Variants in SYCE1 observed in about 807,000 individuals in gnomAD.
The protein encoded by SYCE1 is synaptonemal complex central element protein 1.
Under a neutral mutation model 55.1 loss-of-function variants are expected in SYCE1, and 37 were observed. That is an observed-to-expected ratio of 0.67 (90% CI 0.52 to 0.88). The LOEUF (loss-of-function observed/expected upper bound fraction) is 0.88. SYCE1 is among the 40% of genes least tolerant of loss of function. The probability of loss-of-function intolerance (pLI) is 0.00; values close to 1 mark genes in which losing one functional copy is unlikely to be tolerated. For synonymous variants in SYCE1, 163 were observed against 159.4 expected, an observed-to-expected ratio of 1.02 and a Z score of -0.17; for missense variants, 399 against 416.4, an observed-to-expected ratio of 0.96 and a Z score of 0.36.
intron 6 of SYCE1, 60 bp downstream of exon 6, chr10:133,557,804 C>T: frequency 6.3e-7 from 1 of 1,581,300 alleles, no homozygotes. Flanking sequence ...CTTCCTGCCT[C>T]TTTCTGCTCT....
chr10:133,559,845 C>G, intron 2 of SYCE1: 1 of 519,012 alleles, frequency 1.9e-6, no homozygotes, highest in Non-Finnish European at 3.5e-6. Context: ...TGCAGTGGAG[C>G]CAGATGGGTG....
intron 6 of SYCE1, chr10:133,557,460 G>A: frequency 2.0e-6 from 1 of 499,016 alleles, no homozygotes; most frequent in East Asian, 3.6e-5. Flanking sequence ...TAACAAATGA[G>A]CTAAATCAGG....
chr10:133,556,943 G>C, intron 7 of SYCE1, 121 bp from the exon 8 acceptor site: 1 of 1,482,616 alleles, frequency 6.7e-7, no homozygotes, highest in Non-Finnish European at 9.4e-7. Context: ...CTGCTCCACT[G>C]GGAACATCTT....
chr10:133,559,792 GA>G, intron 2 of SYCE1: 1 of 450,934 alleles, frequency 2.2e-6, no homozygotes, highest in Non-Finnish European at 4.0e-6. Context: ...GGGTGAGGGG[GA>G]AGGAAGGGAA....
intron 5 of SYCE1, 93 bp downstream of exon 5, chr10:133,558,074 G>A: frequency 6.4e-7 from 1 of 1,566,874 alleles, no homozygotes. Flanking sequence ...GGCAAGCTGG[G>A]ACAGGTTTCA....
upstream of SYCE1, among the ~76,000 whole-genome samples, chr10:133,567,123 T>C (rs1589974896): frequency 6.6e-6 from 1 of 150,912 alleles, no homozygotes; most frequent in African/African-American, 2.4e-5. Flanking sequence ...GGGTTGAGGT[T>C]ATGAGTTGAG....
chr10:133,565,597 C>G, upstream of SYCE1: 1 of 1,494,822 alleles, frequency 6.7e-7, no homozygotes, highest in South Asian at 1.2e-5. Flanking sequence ...GCAACCGCCG[C>G]TGGGGGCAGG....
chr10:133,564,800 A>C (rs1851887407), intron 1 of SYCE1, among the ~76,000 whole-genome samples: 1 of 152,118 alleles, frequency 6.6e-6, no homozygotes, highest in South Asian at 2.1e-4. Flanking sequence ...GAAAATCCTC[A>C]CAGAACACCC....
In SYCE1 at chr10:133,555,575, G is replaced by A. The variant is rs1472237296; in HGVS notation, c.830+22C>T. On this transcript the variant is annotated intron_variant, in intron 11 of 12. Transcript: ENST00000343131. The stretch of plus-strand genomic sequence containing the variant: ...AGTCATCTTCCTGGTGGGGGTTGCG[G>A]GGACAGGGCCTCCACACGCACCTCT... The A allele has an allele frequency of 3.7e-6, 6 of 1,602,194 alleles. No homozygotes were observed. In the Admixed American group the frequency reaches 8.5e-5, roughly 23 times the overall value.
At chr10:133,566,002 G>C (rs1340504087), upstream of SYCE1, among the ~76,000 whole-genome samples, 1 of 152,234 alleles carries the variant, frequency 6.6e-6, no homozygotes, top group Non-Finnish European at 1.5e-5. Flanking sequence ...GGGCCCCAGC[G>C]AGTGAAATCT....
chr10:133,568,088 C>G (rs3020501), upstream of SYCE1: 487,701 of 699,100 alleles, frequency 0.7, 177,456 homozygotes, highest in Non-Finnish European at 0.78. Context: ...CGAGCCCAGC[C>G]AGGCCTAGGG....
At chr10:133,563,725 A>C (rs1007037586) in intron 1 of SYCE1, among the ~76,000 whole-genome samples, 6 of 151,740 alleles carry the variant, frequency 4.0e-5, no homozygotes, top group Non-Finnish European at 8.8e-5. Context: ...AATTTTGTGA[A>C]ATGCTTATTT....
At chr10:133,560,939 A>G (rs907970701) in intron 1 of SYCE1, 5 of 152,220 alleles carry the variant, frequency 3.3e-5, no homozygotes, top group African/African-American at 9.7e-5. Flanking sequence ...CGGAAACTCA[A>G]AAGAATACAA....
chr10:133,555,225 T>A, intron 12 of SYCE1, 96 bp from the exon 13 acceptor site: 1 of 1,550,300 alleles, frequency 6.5e-7, no homozygotes, highest in Non-Finnish European at 8.7e-7. Flanking sequence ...GGACCCAGTA[T>A]GGGAAAGGCC....
Position 133,555,960 on chromosome 10 carries a change from A to G in SYCE1, c.595+21T>C, listed in dbSNP as rs1263462386. The G allele has an allele frequency of 1.9e-5, 31 of 1,613,958 alleles. No individual in the cohort carries two copies. The Admixed American group carries it at 5.2e-4, about 27-fold the overall frequency. ...AGGCACGTGAGGTCAGATATGGGCC[A>G]TCCACCTTCCCTGGTCTCACCTTCC... is the stretch of plus-strand genomic sequence containing the variant. On this transcript the variant is annotated intron_variant, in intron 9 of 12. Transcript: ENST00000343131.
downstream of SYCE1, chr10:133,554,264 CAG>C: frequency 1.2e-6 from 2 of 1,611,316 alleles, no homozygotes; most frequent in Non-Finnish European, 1.7e-6. Flanking sequence ...TCCATGGAAA[CAG>C]TGCTCTGCAG....
intron 2 of SYCE1, chr10:133,559,806 G>A: frequency 2.1e-6 from 1 of 468,524 alleles, no homozygotes; most frequent in South Asian, 2.3e-5. Context: ...GAAGGGAAGT[G>A]AAGGCGGCAA....
At chr10:133,564,459 G>A (rs1051510276) in intron 1 of SYCE1, 31 of 984,568 alleles carry the variant, frequency 3.1e-5, no homozygotes, top group Non-Finnish European at 3.7e-5. Flanking sequence ...CTAGCACACC[G>A]GCGGGCCAGC....
At chr10:133,560,678 T>C (rs905895477) in intron 1 of SYCE1, 3 of 152,208 alleles carry the variant, frequency 2.0e-5, no homozygotes, top group African/African-American at 7.2e-5. Context: ...TTATAATCAC[T>C]ATTGGAACCT....
Sources: allele counts gnomAD v4.1 joint callset (sites outside exome capture counted in the v4.1 genomes callset), GRCh38; gene constraint gnomAD v4.1.1; transcripts MANE v1.5; gene names NCBI Gene and HGNC (gene_info 2026-07-23, HGNC 2026-07-21).